ST6GALNAC5: variants seen among roughly 807,000 people sequenced by gnomAD.
The protein encoded by ST6GALNAC5 is ST6 N-acetylgalactosaminide alpha-2,6-sialyltransferase 5, also known as alpha-N-acetylgalactosaminide alpha-2,6-sialyltransferase 5.
Under a neutral mutation model 33.6 loss-of-function variants are expected in ST6GALNAC5, and 27 were observed. That is an observed-to-expected ratio of 0.80 (90% CI 0.59 to 1.11). ST6GALNAC5 has a LOEUF of 1.11. Among genes scored for constraint, ST6GALNAC5 ranks in the 50% least tolerant of loss-of-function variants. ST6GALNAC5 has a pLI of 0.00. For missense variants in ST6GALNAC5, 428 were observed against 454.0 expected (o/e 0.94, Z 0.52); for synonymous variants, 194 against 171.2 (o/e 1.13, Z -1.04).
rs1339289127 is a variant in ST6GALNAC5, at chr1:77,066,538, G to A, written c.*3332G>A. Among the ~76,000 whole-genome samples the A allele has an allele frequency of 6.6e-6, 1 of 152,214 alleles. No homozygotes were observed. The highest frequency in any genetic ancestry group is 6.5e-5 in the Admixed American group (1 of 15,282). ...GAAATTCTATTAGGATTAAGACAGT[G>A]TTATTTAAAGGCACATGCACCCATT... On this transcript the variant is annotated 3_prime_UTR_variant, in exon 5 of 5. Transcript: ENST00000477717.
chr1:76,906,142 CA>C (rs1646862354), intron 2 of ST6GALNAC5, among the ~76,000 whole-genome samples: 1 of 152,104 alleles, frequency 6.6e-6, no homozygotes, highest in Non-Finnish European at 1.5e-5. Context: ...TATCTGGCAA[CA>C]AAAGTTTCAA....
chr1:76,976,848 A>T (rs1439888156), intron 2 of ST6GALNAC5, among the ~76,000 whole-genome samples: 1 of 151,952 alleles, frequency 6.6e-6, no homozygotes, highest in African/African-American at 2.4e-5. Flanking sequence ...AAGAACCAAC[A>T]TTAGCCTTTC....
intron 2 of ST6GALNAC5, among the ~76,000 whole-genome samples, chr1:76,985,458 G>T (rs1206246587): frequency 6.6e-6 from 1 of 152,172 alleles, no homozygotes; most frequent in Non-Finnish European, 1.5e-5. Context: ...TACAAGGGAT[G>T]TGAAGGACCT....
rs11805738 is a variant in ST6GALNAC5 at position 76,940,322 on chromosome 1, C to A, written c.261+71580C>A. On this transcript the variant is annotated intron_variant, in intron 2 of 4. Transcript: ENST00000477717. ...TTATTGTTGTTACAGTTGTGATTAT[C>A]ATTATTAGGCCCTGAGGGCTTCATA... Among the ~76,000 whole-genome samples the A allele has an allele frequency of 4.3e-3, 659 of 152,128 alleles. 10 individuals are homozygous for A. The highest frequency in any genetic ancestry group is 0.015 in the African/African-American group (619 of 41,524).
intron 2 of ST6GALNAC5, among the ~76,000 whole-genome samples, chr1:76,982,677 T>A (rs1461176191): frequency 6.6e-6 from 1 of 152,046 alleles, no homozygotes; most frequent in Non-Finnish European, 1.5e-5. Context: ...ACAAAGATAT[T>A]CCTTAAGAAG....
intron 2 of ST6GALNAC5, among the ~76,000 whole-genome samples, chr1:76,908,158 A>G (rs913139725): frequency 2.6e-5 from 4 of 152,100 alleles, no homozygotes; most frequent in African/African-American, 9.7e-5. Flanking sequence ...TCTCTGTCTT[A>G]GTATTTTCAG....
chr1:77,060,791 C>T (rs1426152420), intron 4 of ST6GALNAC5, among the ~76,000 whole-genome samples: 1 of 152,068 alleles, frequency 6.6e-6, no homozygotes, highest in Admixed American at 6.6e-5. Flanking sequence ...GGTGCCGAAT[C>T]AATCTTATGA....
chr1:77,005,445 G>C (rs1248261388), intron 2 of ST6GALNAC5, among the ~76,000 whole-genome samples: 2 of 152,194 alleles, frequency 1.3e-5, no homozygotes, highest in African/African-American at 4.8e-5. Flanking sequence ...GAAATCACCC[G>C]TCTTCTGCGT....
chr1:76,953,345 G>A (rs186518433), intron 2 of ST6GALNAC5, among the ~76,000 whole-genome samples: 1 of 152,138 alleles, frequency 6.6e-6, no homozygotes, highest in East Asian at 1.9e-4. Context: ...ATTTTGTGTT[G>A]TCACTGTTTT....
chr1:76,888,343 C>T (rs1166363394), intron 2 of ST6GALNAC5, among the ~76,000 whole-genome samples: 1 of 151,872 alleles, frequency 6.6e-6, no homozygotes, highest in African/African-American at 2.4e-5. Flanking sequence ...GCTGTTGGTC[C>T]GAGATCCATC....
intron 2 of ST6GALNAC5, among the ~76,000 whole-genome samples, chr1:76,989,304 A>G (rs184190177): frequency 6.7e-6 from 1 of 150,084 alleles, no homozygotes; most frequent in African/African-American, 2.5e-5. Context: ...CTTGGACTAC[A>G]CCTTTCCTTA....
At chr1:76,997,785 G>A (rs1293106129) in intron 2 of ST6GALNAC5, among the ~76,000 whole-genome samples, 1 of 152,158 alleles carries the variant, frequency 6.6e-6, no homozygotes, top group Non-Finnish European at 1.5e-5. Context: ...GATCACTTGA[G>A]GCCAGGAGTT....
intron 2 of ST6GALNAC5, among the ~76,000 whole-genome samples, chr1:76,942,053 C>T (rs1003004236): frequency 6.6e-6 from 1 of 152,074 alleles, no homozygotes; most frequent in African/African-American, 2.4e-5. Context: ...AGAGGCCAGA[C>T]ATGAAATCAC....
intron 2 of ST6GALNAC5, among the ~76,000 whole-genome samples, chr1:76,882,640 G>A (rs1653807348): frequency 6.6e-6 from 1 of 152,200 alleles, no homozygotes; most frequent in Non-Finnish European, 1.5e-5. Flanking sequence ...TTCTCTGGCA[G>A]ACTGAAATGC....
intron 2 of ST6GALNAC5, among the ~76,000 whole-genome samples, chr1:76,926,370 G>A (rs1557725541): frequency 6.6e-6 from 1 of 152,030 alleles, no homozygotes; most frequent in Non-Finnish European, 1.5e-5. Flanking sequence ...TGACCACTTG[G>A]TCATCTCTTT....
intron 2 of ST6GALNAC5, among the ~76,000 whole-genome samples, chr1:76,927,659 G>T (rs1162955338): frequency 5.3e-5 from 8 of 152,098 alleles, no homozygotes; most frequent in Non-Finnish European, 1.2e-4. Context: ...AAGCCTCTGG[G>T]TTTTTTCTTT....
intron 3 of ST6GALNAC5, among the ~76,000 whole-genome samples, chr1:77,045,922 G>A (rs1259771966): frequency 6.6e-6 from 1 of 152,174 alleles, no homozygotes; most frequent in African/African-American, 2.4e-5. Context: ...AGTTGTGAGG[G>A]CCTGGACAAG....
intron 2 of ST6GALNAC5, among the ~76,000 whole-genome samples, chr1:76,957,225 A>G (rs1217552112): frequency 6.6e-6 from 1 of 152,138 alleles, no homozygotes; most frequent in African/African-American, 2.4e-5. Context: ...CTCCCTCTGA[A>G]GGCTCCAGGG....
At chr1:77,031,244 G>C (rs1459636938) in intron 2 of ST6GALNAC5, among the ~76,000 whole-genome samples, 1 of 152,124 alleles carries the variant, frequency 6.6e-6, no homozygotes, top group African/African-American at 2.4e-5. Flanking sequence ...TTAGCTAATG[G>C]CTGCCTAGCT....
Sources: allele counts gnomAD v4.1 joint callset (sites outside exome capture counted in the v4.1 genomes callset), GRCh38; gene constraint gnomAD v4.1.1; transcripts MANE v1.5; gene names NCBI Gene and HGNC (gene_info 2026-07-23, HGNC 2026-07-21).